The following GABRB2 variants were observed in gnomAD, a reference collection of about 807,000 sequenced individuals.
GABRB2 encodes gamma-aminobutyric acid receptor subunit beta-2.
In GABRB2, 16 loss-of-function variants were observed where a neutral mutation model predicts 54.7. That is an observed-to-expected ratio of 0.29 (90% CI 0.20 to 0.44). GABRB2 has a LOEUF of 0.44. Among genes scored for constraint, GABRB2 ranks in the 20% least tolerant of loss-of-function variants. The pLI is 1.00. For synonymous variants in GABRB2, 244 were observed against 233.8 expected (o/e 1.04, Z -0.40); for missense variants, 355 against 644.0 (o/e 0.55, Z 4.86).
At chr5:161,308,424 C>T (rs1409005373) in intron 9 of GABRB2, among the ~76,000 whole-genome samples, 3 of 152,194 alleles carry the variant, frequency 2.0e-5, no homozygotes, top group East Asian at 1.9e-4. Context: ...AATGGCCATA[C>T]TGCCCATAAG....
intron 9 of GABRB2, among the ~76,000 whole-genome samples, chr5:161,314,131 G>A (rs1460749038): frequency 2.6e-5 from 4 of 152,170 alleles, no homozygotes; most frequent in East Asian, 1.9e-4. Context: ...CCTGGATCAC[G>A]GGCTAAGGAA....
intron 5 of GABRB2, among the ~76,000 whole-genome samples, chr5:161,340,090 CTTCCTCAGTAT>C (rs1370410756): frequency 6.6e-6 from 1 of 151,982 alleles, no homozygotes; most frequent in Admixed American, 6.6e-5. Context: ...TCCTCCTAAT[CTTCCTCAGTAT>C]TTACCTTCTT....
intron 3 of GABRB2, among the ~76,000 whole-genome samples, chr5:161,490,458 A>G (rs186399124): frequency 3.4e-4 from 51 of 151,742 alleles, no homozygotes; most frequent in African/African-American, 1.2e-3. Context: ...CTTTTCATCA[A>G]TTATAAAATA....
chr5:161,458,137 C>T (rs1490074420), intron 4 of GABRB2, among the ~76,000 whole-genome samples: 7 of 152,268 alleles, frequency 4.6e-5, no homozygotes, highest in East Asian at 3.9e-4. Flanking sequence ...CTCCACTGCA[C>T]ACATGGTCAC....
In GABRB2 at chr5:161,451,657, C is replaced by A. The variant is rs114849606; in HGVS notation, c.458+7967G>T. 2.4e-3 allele frequency among the ~76,000 whole-genome samples: 372 copies of A among 152,078 alleles called. 2 individuals are homozygous for A. Among genetic ancestry groups the A allele is most frequent in the African/African-American group, 8.4e-3 (348 of 41,488 alleles). On this transcript the variant is annotated intron_variant, in intron 4 of 9. Transcript: ENST00000393959. ...CCATAAGCCATATCCTATATTAGAT[C>A]AAGAAATATATTTTAAATATGTCCT...
At chr5:161,530,605 C>T (rs1204639359) in intron 3 of GABRB2, among the ~76,000 whole-genome samples, 4 of 151,962 alleles carry the variant, frequency 2.6e-5, no homozygotes, top group Non-Finnish European at 4.4e-5. Context: ...GAGAAATTTG[C>T]CTCAAAATTG....
chr5:161,357,208 G>A (rs1470759600), intron 5 of GABRB2, among the ~76,000 whole-genome samples: 1 of 152,080 alleles, frequency 6.6e-6, no homozygotes, highest in Non-Finnish European at 1.5e-5. Flanking sequence ...CATCAGTGAG[G>A]GCCTCATTGG....
intron 8 of GABRB2, among the ~76,000 whole-genome samples, chr5:161,328,686 A>G (rs1322583963): frequency 1.3e-5 from 2 of 152,208 alleles, no homozygotes; most frequent in East Asian, 1.9e-4. Flanking sequence ...CGACAAGGAT[A>G]TTATTTTTTC....
chr5:161,545,203 G>A, intron 3 of GABRB2, 24 bp downstream of exon 3: 1 of 1,563,584 alleles, frequency 6.4e-7, no homozygotes. Flanking sequence ...TTGCAAAGAA[G>A]TAGTCATAAA....
chr5:161,378,683 C>T (rs534090179), intron 5 of GABRB2, among the ~76,000 whole-genome samples: 1 of 152,180 alleles, frequency 6.6e-6, no homozygotes, highest in Admixed American at 6.5e-5. Context: ...TCCTATTATG[C>T]TAAAAATAAC....
intron 5 of GABRB2, among the ~76,000 whole-genome samples, chr5:161,407,984 C>T (rs1306077533): frequency 1.3e-5 from 2 of 151,940 alleles, no homozygotes; most frequent in Non-Finnish European, 2.9e-5. Context: ...CTTTTAGAGC[C>T]CTCAGTACTT....
At position 161,494,582 on chromosome 5, in the gene GABRB2, T is replaced by C. The variant is rs1416330919; in HGVS notation, c.238-34738A>G. On this transcript the variant is annotated intron_variant, in intron 3 of 9. Transcript: ENST00000393959. ...GTGTGTGTGTGTGTGTGTGTACAAT[T>C]ACTGACAACTGAAAACATTTCCAGA... 2.0e-5 allele frequency among the ~76,000 whole-genome samples: 3 copies of C among 149,582 alleles called. No individual in the cohort carries two copies. The East Asian group carries it at 6.1e-4, about 30-fold the overall frequency.
At chr5:161,482,312 G>A (rs879895724) in intron 3 of GABRB2, among the ~76,000 whole-genome samples, 2 of 152,006 alleles carry the variant, frequency 1.3e-5, no homozygotes, top group South Asian at 2.1e-4. Flanking sequence ...TATTGTTTCT[G>A]TTCTTTTTGG....
chr5:161,531,514 T>A (rs558873275), intron 3 of GABRB2, among the ~76,000 whole-genome samples: 1 of 152,068 alleles, frequency 6.6e-6, no homozygotes, highest in African/African-American at 2.4e-5. Flanking sequence ...AAACATTATT[T>A]TTTTTCTATG....
rs989966193 is a variant in GABRB2, at chr5:161,289,662, T to G, written c.*4419A>C. Reference sequence around the variant, plus strand: ...AGTCTATTAAGTTATCAATGATCATTTTTGCTTTTCCCAATTGCCATTTCA... The same window carrying G: ...AGTCTATTAAGTTATCAATGATCATGTTTGCTTTTCCCAATTGCCATTTCA... On this transcript the variant is annotated 3_prime_UTR_variant, in exon 10 of 10. Transcript: ENST00000393959. 1.3e-5 allele frequency: 2 copies of G among 152,124 alleles called. No homozygotes were observed. The highest frequency in any genetic ancestry group is 4.8e-5 in the African/African-American group (2 of 41,436). 9.4% of individuals were successfully genotyped at this position (152,124 alleles called of 1,614,324 possible).
chr5:161,323,781 C>T (rs568210756), intron 9 of GABRB2, among the ~76,000 whole-genome samples: 5 of 152,142 alleles, frequency 3.3e-5, no homozygotes, highest in South Asian at 4.2e-4. Flanking sequence ...TAATTGTGTG[C>T]GTATACACTG....
chr5:161,436,648 A>G (rs1348832629), intron 4 of GABRB2, among the ~76,000 whole-genome samples: 1 of 152,164 alleles, frequency 6.6e-6, no homozygotes, highest in African/African-American at 2.4e-5. Context: ...AACTATCTAC[A>G]CAGAAAAATA....
intron 4 of GABRB2, among the ~76,000 whole-genome samples, chr5:161,447,179 A>G (rs1039351778): frequency 6.6e-6 from 1 of 152,146 alleles, no homozygotes; most frequent in African/African-American, 2.4e-5. Flanking sequence ...TATTTTACTG[A>G]TGAGGAAACT....
At position 161,357,968 on chromosome 5, in the gene GABRB2, A is replaced by C. The variant is rs142332477; in HGVS notation, c.542-21199T>G. ...GCATTTAAGAGAGAAGCCTGATTGGAGACAAATATTTCAGTGCAATCAGCA... is the reference window on the plus strand; with the variant it reads ...GCATTTAAGAGAGAAGCCTGATTGGCGACAAATATTTCAGTGCAATCAGCA... On this transcript the variant is annotated intron_variant, in intron 5 of 9. Transcript: ENST00000393959. 5.1e-3 allele frequency among the ~76,000 whole-genome samples: 772 copies of C among 152,296 alleles called. 9 individuals are homozygous for C. The highest frequency in any genetic ancestry group is 0.017 in the African/African-American group (723 of 41,574).
Sources: gnomAD v4.1 joint callset for allele counts (sites outside exome capture counted in the v4.1 genomes callset) on GRCh38, gnomAD v4.1.1 for gene constraint, MANE v1.5 for transcripts, NCBI Gene and HGNC (gene_info 2026-07-23, HGNC 2026-07-21) for gene names.